Variants in SYTL2 observed in about 807,000 individuals in gnomAD.
The protein encoded by SYTL2 is synaptotagmin-like protein 2.
Under a neutral mutation model 198.7 loss-of-function variants are expected in SYTL2, and 165 were observed. The observed-to-expected ratio is 0.83, with a 90% CI of 0.73 to 0.94. The LOEUF is 0.94. Ranked by LOEUF, SYTL2 falls within the 40% of genes least tolerant of loss-of-function variation. The pLI, the probability that SYTL2 is intolerant of heterozygous loss-of-function variation, is 0.00. For missense variants in SYTL2, 2,835 were observed against 2,582.8 expected (o/e 1.10, Z -2.12); for synonymous variants, 966 against 917.7 (o/e 1.05, Z -0.95).
At chr11:85,700,468 G>C (rs903900416) in intron 17 of SYTL2, 47 bp downstream of exon 17, 35 of 1,443,498 alleles carry the variant, frequency 2.4e-5, no homozygotes, top group Non-Finnish European at 2.9e-5. Context: ...TGTGAGAAGG[G>C]AGGGATAAGG....
intron 1 of SYTL2, among the ~76,000 whole-genome samples, chr11:85,777,120 A>G (rs1023686580): frequency 3.0e-4 from 45 of 152,258 alleles, no homozygotes; most frequent in Admixed American, 9.2e-4. Context: ...CATACACAAA[A>G]GAGCATTGTC....
At chr11:85,743,112 C>T (rs1325829570) in intron 4 of SYTL2, among the ~76,000 whole-genome samples, 1 of 152,210 alleles carries the variant, frequency 6.6e-6, no homozygotes, top group East Asian at 1.9e-4. Context: ...ACCAGCCTAT[C>T]ACCTTACACT....
intron 1 of SYTL2, among the ~76,000 whole-genome samples, chr11:85,805,715 G>GA (rs1029968517): frequency 1.3e-5 from 2 of 152,030 alleles, no homozygotes; most frequent in Non-Finnish European, 2.9e-5. Context: ...TTCTGCAAGG[G>GA]AAAAAAAGAA....
At chr11:85,793,628 C>G (rs1322520813) in intron 1 of SYTL2, among the ~76,000 whole-genome samples, 1 of 152,184 alleles carries the variant, frequency 6.6e-6, no homozygotes, top group Non-Finnish European at 1.5e-5. Context: ...ATCTCATAAC[C>G]AATATTTTAT....
intron 1 of SYTL2, among the ~76,000 whole-genome samples, chr11:85,797,230 A>G (rs2092816686): frequency 6.6e-6 from 1 of 152,248 alleles, no homozygotes; most frequent in Non-Finnish European, 1.5e-5. Flanking sequence ...GTGGAAACTA[A>G]TAATACTTCC....
the SYTL2 span, among the ~76,000 whole-genome samples, chr11:85,840,134 T>C: frequency 1.3e-5 from 2 of 152,234 alleles, no homozygotes; most frequent in African/African-American, 2.4e-5. Context: ...TATCAGATTA[T>C]TAGATTTTTT....
chr11:85,796,893 G>C (rs2092811349), intron 1 of SYTL2, among the ~76,000 whole-genome samples: 1 of 152,210 alleles, frequency 6.6e-6, no homozygotes, highest in Non-Finnish European at 1.5e-5. Flanking sequence ...CCAGGATCTA[G>C]GTTTAAAATC....
At position 85,695,154 on chromosome 11, in the gene SYTL2, G is replaced by T; in HGVS notation, c.*41C>A. 1 of 1,585,726 alleles carries T rather than the reference G, an allele frequency of 6.3e-7. No individual in the cohort carries two copies. Among genetic ancestry groups the T allele is most frequent in the East Asian group, 2.2e-5 (1 of 44,478 alleles). ...CAGATTTTCAAGATCAGATTCCACC[G>T]GTTTAGTAGTTTTCAGTGGAGGAGC... On this transcript the variant is annotated 3_prime_UTR_variant, in exon 20 of 20. Transcript: ENST00000359152.
intron 1 of SYTL2, among the ~76,000 whole-genome samples, chr11:85,795,237 A>G (rs1315779274): frequency 6.6e-6 from 1 of 151,982 alleles, no homozygotes; most frequent in African/African-American, 2.4e-5. Flanking sequence ...CAGCCCCCCA[A>G]ATAAAGTCAC....
chr11:85,827,430 T>A, the SYTL2 span, among the ~76,000 whole-genome samples: 2 of 152,238 alleles, frequency 1.3e-5, no homozygotes, highest in Non-Finnish European at 2.9e-5. Context: ...CTTTATCTAT[T>A]GTGGTCTCTC....
At position 85,724,922 on chromosome 11, in the gene SYTL2, A is replaced by G; in HGVS notation, c.4436T>C (p.Val1479Ala). The change falls in exon 8 of 20, where the codon GTG becomes GCG. Residue 1479 changes from valine to alanine, a missense_variant. Physicochemically the swap from Val to Ala is moderately conservative, Grantham distance 64. Around this residue, in one of 3 missense-constraint regions of SYTL2, gnomAD observed 2,645 missense variants for 2,381.7 expected, o/e 1.11. Coordinates refer to ENST00000359152, the MANE Select transcript of SYTL2 (RefSeq NM_206927.4). ...AQYGKGLPQE[V>A]EEIVRETIVQ... ...AATTGTTTCCCTCACAATTTCTTCC[A>G]CTTCCTGAGGGAGGCCTTTGCCATA... 1 of 1,614,124 alleles carries G rather than the reference A, an allele frequency of 6.2e-7. No individual in the cohort carries two copies. Among genetic ancestry groups the G allele is most frequent in the South Asian group, 1.1e-5 (1 of 91,064 alleles).
At position 85,732,726 on chromosome 11, in the gene SYTL2, A is replaced by G. The variant is rs184335122; in HGVS notation, c.1390+1213T>C. On this transcript the variant is annotated intron_variant, in intron 7 of 19. Coordinates refer to ENST00000359152, the MANE Select transcript of SYTL2 (RefSeq NM_206927.4). ...CCTGCACGTTCTTCACATGTATCCC[A>G]GAACTTAAAGTATATATTTAAAAAA... is the stretch of plus-strand genomic sequence containing the variant. Among the ~76,000 whole-genome samples, 3 of 152,320 alleles carry G rather than the reference A, an allele frequency of 2.0e-5. No individual in the cohort carries two copies. The East Asian group carries it at 5.8e-4, about 29-fold the overall frequency.
chr11:85,799,267 T>A (rs1031892334), intron 1 of SYTL2, among the ~76,000 whole-genome samples: 1 of 152,184 alleles, frequency 6.6e-6, no homozygotes, highest in Non-Finnish European at 1.5e-5. Flanking sequence ...CTCTAAGAAC[T>A]TTTGGAACAA....
chr11:85,705,437 C>T (rs1375505470), intron 15 of SYTL2, among the ~76,000 whole-genome samples: 1 of 152,102 alleles, frequency 6.6e-6, no homozygotes, highest in Non-Finnish European at 1.5e-5. Context: ...CTTTTTAGAG[C>T]AGTTTTCGGT....
At position 85,734,707 on chromosome 11, in the gene SYTL2, C is replaced by A; in HGVS notation, c.622G>T (p.Ala208Ser). 1.9e-6 allele frequency: 3 copies of A among 1,613,294 alleles called. No individual in the cohort carries two copies. The highest frequency in any genetic ancestry group is 2.2e-5 in the South Asian group (2 of 90,898). ...TCTAACTTTTGGATTGAAGTATCTGCGACAGTTGACTTTTCTTTTGACTCT... is the reference window on the plus strand; with the variant it reads ...TCTAACTTTTGGATTGAAGTATCTGAGACAGTTGACTTTTCTTTTGACTCT... ...LSESKEKSTV[A>S]DTSIQKLEKS... is the part of the protein sequence containing the mutation. The change falls in exon 7 of 20, where the codon GCA (alanine) becomes TCA (serine). Residue 208 changes from alanine to serine, a missense_variant. Transcript: ENST00000359152.
At chr11:85,794,728 G>A (rs1160466844) in intron 1 of SYTL2, among the ~76,000 whole-genome samples, 6 of 152,280 alleles carry the variant, frequency 3.9e-5, no homozygotes, top group East Asian at 1.9e-4. Flanking sequence ...TGCTGGGGAC[G>A]TACAGGAAGT....
Position 85,725,769 on chromosome 11 carries a change from TGTC to T in SYTL2, c.3586_3588del (p.Asp1196del), listed in dbSNP as rs772440924. The T allele has an allele frequency of 3.7e-6, 6 of 1,614,200 alleles. No homozygotes were observed. Among genetic ancestry groups the T allele is most frequent in the Admixed American group, 3.3e-5 (2 of 60,034 alleles). The stretch of plus-strand genomic sequence containing the variant: ...TTAACCTTTGGATGAACTACTGTTT[TGTC>T]AACATGCTCATTAATGATCTTCTCA... On this transcript the variant is annotated inframe_deletion, in exon 8 of 20. Coordinates refer to ENST00000359152, the MANE Select transcript of SYTL2 (RefSeq NM_206927.4).
chr11:85,773,905 T>A (rs1292451468), intron 1 of SYTL2, among the ~76,000 whole-genome samples: 2 of 152,168 alleles, frequency 1.3e-5, no homozygotes, highest in Non-Finnish European at 2.9e-5. Context: ...TTAAACCAAC[T>A]AAACCATAGT....
chr11:85,789,434 T>C (rs914059296), intron 1 of SYTL2, among the ~76,000 whole-genome samples: 5 of 134,592 alleles, frequency 3.7e-5, no homozygotes, highest in African/African-American at 1.1e-4. Context: ...AAAGTCTCCC[T>C]ATCTTGCACA....
Sources: gnomAD v4.1 joint callset for allele counts (sites outside exome capture counted in the v4.1 genomes callset) on GRCh38, gnomAD v4.1.1 for gene constraint, gnomAD v4.1.1 regional missense constraint, MANE v1.5 for transcripts, NCBI Gene and HGNC (gene_info 2026-07-23, HGNC 2026-07-21) for gene names.